Variants in CLVS1 observed in about 807,000 individuals in gnomAD.
CLVS1 encodes clavesin 1.
Under a neutral mutation model 33.1 loss-of-function variants are expected in CLVS1, and 10 were observed. The ratio of observed to expected loss-of-function variants is 0.30; its 90% CI spans 0.19 to 0.51. The LOEUF (loss-of-function observed/expected upper bound fraction) is 0.51, where lower values mean the gene tolerates loss of function less well. CLVS1 is among the 20% of genes least tolerant of loss of function. The pLI, the probability that CLVS1 is intolerant of heterozygous loss-of-function variation, is 0.97. For synonymous variants in CLVS1, 163 were observed against 166.1 expected (o/e 0.98, Z 0.14); for missense variants, 343 against 433.4 (o/e 0.79, Z 1.85).
chr8:60,967,947 T>TA, the CLVS1 span, among the ~76,000 whole-genome samples: 2 of 152,252 alleles, frequency 1.3e-5, no homozygotes, highest in South Asian at 4.1e-4. Context: ...TAATTTAATT[T>TA]ATTTATTTAG....
At chr8:61,290,765 T>A (rs116006917) in intron 1 of CLVS1, among the ~76,000 whole-genome samples, 191 of 152,364 alleles carry the variant, frequency 1.3e-3, no homozygotes, top group African/African-American at 4.4e-3. Context: ...AGAATGAGTA[T>A]ACAAAATATG....
the CLVS1 span, among the ~76,000 whole-genome samples, chr8:61,002,505 G>A: frequency 2.0e-5 from 3 of 151,452 alleles, no homozygotes; most frequent in Admixed American, 2.0e-4. Flanking sequence ...AATTTTTTTT[G>A]TATTTTTTAG....
chr8:61,434,839 G>C (rs759176804), intron 3 of CLVS1, among the ~76,000 whole-genome samples: 2 of 152,098 alleles, frequency 1.3e-5, no homozygotes. Flanking sequence ...ATTATCTCCC[G>C]GGTCTAGAGA....
intron 2 of CLVS1, among the ~76,000 whole-genome samples, chr8:61,309,053 C>G (rs1810739502): frequency 6.6e-6 from 1 of 152,196 alleles, no homozygotes; most frequent in Non-Finnish European, 1.5e-5. Context: ...TAGAGGGTGG[C>G]TCAATGTAAA....
At chr8:61,302,413 A>G (rs1231308646) in intron 2 of CLVS1, among the ~76,000 whole-genome samples, 1 of 152,144 alleles carries the variant, frequency 6.6e-6, no homozygotes, top group East Asian at 1.9e-4. Flanking sequence ...ACATTCAGTG[A>G]GTATAGACTT....
In CLVS1 at chr8:61,501,368, A is replaced by ACCTT. The variant is rs1487192337; in HGVS notation, c.*1827_*1830dup. 1 of 152,178 alleles carries ACCTT rather than the reference A, an allele frequency of 6.6e-6. No individual in the cohort carries two copies. The allele number at this position is 152,178 out of a possible 1,614,324, so 9.4% of individuals were successfully genotyped here. On this transcript the variant is annotated 3_prime_UTR_variant, in exon 6 of 6. Transcript: ENST00000325897. ...AGCTTTTCAATTGGCAATACTTAGA[A>ACCTT]CCTTACTGTAGTGACCTGATTTTAA...
At chr8:61,263,325 T>G (rs1809244608) in intron 2 of CLVS1, among the ~76,000 whole-genome samples, 1 of 152,224 alleles carries the variant, frequency 6.6e-6, no homozygotes, top group South Asian at 2.1e-4. Context: ...AAATATACAA[T>G]TGTGGTTTAA....
chr8:61,036,702 C>T, the CLVS1 span, among the ~76,000 whole-genome samples: 266 of 152,346 alleles, frequency 1.7e-3, no homozygotes, highest in Non-Finnish European at 3.2e-3. Flanking sequence ...AAGCAAGACA[C>T]GGATCCCTCT....
intron 2 of CLVS1, among the ~76,000 whole-genome samples, chr8:61,170,826 T>C (rs1806980512): frequency 6.6e-6 from 1 of 152,194 alleles, no homozygotes; most frequent in African/African-American, 2.4e-5. Flanking sequence ...CTTTCTACAC[T>C]GGTAAATAAA....
chr8:61,154,340 A>G (rs1806609418), intron 2 of CLVS1, among the ~76,000 whole-genome samples: 2 of 152,202 alleles, frequency 1.3e-5, no homozygotes, highest in Admixed American at 6.5e-5. Context: ...CAGCTACAAA[A>G]TCAAATGCAG....
At chr8:61,156,227 A>AG (rs1806645731) in intron 2 of CLVS1, among the ~76,000 whole-genome samples, 3 of 150,892 alleles carry the variant, frequency 2.0e-5, no homozygotes, top group African/African-American at 7.3e-5. Context: ...AAAAAAAAAA[A>AG]AAAAAAAGCC....
chr8:61,413,346 T>C (rs1815307170), intron 3 of CLVS1, among the ~76,000 whole-genome samples: 1 of 152,158 alleles, frequency 6.6e-6, no homozygotes, highest in South Asian at 2.1e-4. Context: ...TGAACCCCTA[T>C]TAACTTCAGC....
intron 2 of CLVS1, among the ~76,000 whole-genome samples, chr8:61,317,309 A>G (rs911206729): frequency 1.3e-5 from 2 of 152,144 alleles, no homozygotes; most frequent in African/African-American, 4.8e-5. Context: ...AAGTGAGTCA[A>G]ATGCTGGGGG....
At chr8:61,242,380 A>G (rs140422901) in intron 2 of CLVS1, among the ~76,000 whole-genome samples, 2,152 of 151,972 alleles carry the variant, frequency 0.014, 25 homozygotes, top group Middle Eastern at 0.034. Flanking sequence ...GTTTCTGTAC[A>G]TTTACCTTCA....
At chr8:61,249,175 G>C (rs1585720811) in intron 2 of CLVS1, among the ~76,000 whole-genome samples, 1 of 152,046 alleles carries the variant, frequency 6.6e-6, no homozygotes, top group Non-Finnish European at 1.5e-5. Flanking sequence ...CAAACACTGG[G>C]TTTTCTGTCC....
At chr8:61,435,953 T>G (rs1329921225) in intron 3 of CLVS1, among the ~76,000 whole-genome samples, 3 of 152,246 alleles carry the variant, frequency 2.0e-5, no homozygotes, top group African/African-American at 7.2e-5. Flanking sequence ...AAAGTCACCC[T>G]ATTTGTAACA....
intron 2 of CLVS1, among the ~76,000 whole-genome samples, chr8:61,310,622 C>T (rs189209785): frequency 3.2e-4 from 48 of 152,052 alleles, no homozygotes; most frequent in African/African-American, 1.2e-3. Context: ...TTGCCACATA[C>T]TTCAATCTCA....
chr8:61,279,099 A>T (rs1282323749), intron 2 of CLVS1, among the ~76,000 whole-genome samples: 1 of 152,234 alleles, frequency 6.6e-6, no homozygotes, highest in Admixed American at 6.5e-5. Context: ...GGACTGACTT[A>T]GCTTTTGAGG....
chr8:61,460,092 G>A (rs892579862), intron 5 of CLVS1, among the ~76,000 whole-genome samples: 1 of 152,078 alleles, frequency 6.6e-6, no homozygotes, highest in Non-Finnish European at 1.5e-5. Flanking sequence ...CATATTCTGA[G>A]GTACTTCAAC....
Sources: allele counts gnomAD v4.1 joint callset (sites outside exome capture counted in the v4.1 genomes callset), GRCh38; gene constraint gnomAD v4.1.1; transcripts MANE v1.5; gene names NCBI Gene and HGNC (gene_info 2026-07-23, HGNC 2026-07-21).